ZNF385D: variants seen among roughly 807,000 people sequenced by gnomAD.
ZNF385D encodes zinc finger protein 659.
ZNF385D carries 15 observed loss-of-function variants against 35.8 expected under a neutral mutation model. The ratio of observed to expected loss-of-function variants is 0.42; its 90% CI spans 0.28 to 0.64. The LOEUF is 0.64. ZNF385D is among the 30% of genes least tolerant of loss of function. The pLI is 0.23. For missense variants in ZNF385D, 474 were observed against 494.6 expected, an observed-to-expected ratio of 0.96 and a Z score of 0.39; for synonymous variants, 212 against 186.8, an observed-to-expected ratio of 1.13 and a Z score of -1.10.
chr3:21,945,234 A>G (rs543843260), intron 3 of ZNF385D, among the ~76,000 whole-genome samples: 5 of 152,012 alleles, frequency 3.3e-5, no homozygotes, highest in Non-Finnish European at 7.4e-5. Context: ...AGACAGAGAG[A>G]GGAGAAAGAG....
intron 2 of ZNF385D, among the ~76,000 whole-genome samples, chr3:22,286,217 A>G (rs1702015238): frequency 6.6e-6 from 1 of 152,086 alleles, no homozygotes; most frequent in African/African-American, 2.4e-5. Context: ...GATAATTAAT[A>G]TTTGTCTAAT....
rs553937135 is a variant in ZNF385D, at chr3:21,662,891, G to A, written c.165+1995C>T. Among the ~76,000 whole-genome samples, 3 of 152,286 alleles carry A rather than the reference G, an allele frequency of 2.0e-5. No individual in the cohort carries two copies. In the East Asian group the frequency reaches 5.8e-4, roughly 29 times the overall value. ...GCATGCTGCTTATCACTTAAATAGT[G>A]CTTGTTATATACCAAGCCCCATTCT... On this transcript the variant is annotated intron_variant, in intron 2 of 7. Transcript: ENST00000281523.
intron 2 of ZNF385D, among the ~76,000 whole-genome samples, chr3:21,614,687 C>A (rs1042278536): frequency 6.6e-6 from 1 of 152,204 alleles, no homozygotes; most frequent in African/African-American, 2.4e-5. Context: ...CTCCCAGGTT[C>A]AAGCAATTCT....
At chr3:22,138,417 T>C (rs1276065449) in intron 3 of ZNF385D, among the ~76,000 whole-genome samples, 1 of 152,068 alleles carries the variant, frequency 6.6e-6, no homozygotes, top group Non-Finnish European at 1.5e-5. Context: ...CTTCAAACTA[T>C]ACTACAAGGC....
intron 2 of ZNF385D, among the ~76,000 whole-genome samples, chr3:22,198,574 T>C (rs1237677952): frequency 6.6e-6 from 1 of 152,134 alleles, no homozygotes; most frequent in Admixed American, 6.6e-5. Context: ...TTGAAAAATT[T>C]ATCTCAACCA....
At chr3:22,165,301 G>A (rs994554409) in intron 3 of ZNF385D, among the ~76,000 whole-genome samples, 3 of 152,128 alleles carry the variant, frequency 2.0e-5, no homozygotes, top group East Asian at 1.9e-4. Flanking sequence ...GCTTGAACAC[G>A]AAACTATTCT....
intron 4 of ZNF385D, among the ~76,000 whole-genome samples, chr3:21,453,375 C>T (rs1702587155): frequency 6.6e-6 from 1 of 151,910 alleles, no homozygotes; most frequent in East Asian, 1.9e-4. Flanking sequence ...AGTTGAACTG[C>T]ATCAAAATTA....
At chr3:21,462,599 A>G (rs913208742) in intron 4 of ZNF385D, among the ~76,000 whole-genome samples, 40 of 152,114 alleles carry the variant, frequency 2.6e-4, no homozygotes, top group African/African-American at 9.6e-4. Context: ...TAAAAGACAA[A>G]TTAAATCAAA....
At chr3:21,925,161 T>C (rs939708708) in intron 3 of ZNF385D, among the ~76,000 whole-genome samples, 2 of 152,080 alleles carry the variant, frequency 1.3e-5, no homozygotes, top group Non-Finnish European at 2.9e-5. Flanking sequence ...TTTTGAAATA[T>C]ATATGGAAGG....
chr3:21,685,798 G>C (rs370240880), intron 1 of ZNF385D, among the ~76,000 whole-genome samples: 3 of 152,192 alleles, frequency 2.0e-5, no homozygotes. Flanking sequence ...AGAAAATGAA[G>C]TGCTGGAGGT....
At chr3:22,318,398 A>G (rs540467378) in intron 2 of ZNF385D, among the ~76,000 whole-genome samples, 2 of 152,338 alleles carry the variant, frequency 1.3e-5, no homozygotes, top group Non-Finnish European at 2.9e-5. Flanking sequence ...TGATCGATCA[A>G]TAAAGAACCA....
At chr3:21,520,837 G>A (rs961917605) in intron 3 of ZNF385D, among the ~76,000 whole-genome samples, 6 of 152,128 alleles carry the variant, frequency 3.9e-5, no homozygotes, top group African/African-American at 7.2e-5. Flanking sequence ...CTCGGGAAAT[G>A]CTAGTCCTTT....
At chr3:21,478,603 A>G (rs1419351502) in intron 4 of ZNF385D, among the ~76,000 whole-genome samples, 2 of 152,134 alleles carry the variant, frequency 1.3e-5, no homozygotes, top group African/African-American at 4.8e-5. Context: ...TGGATACTTA[A>G]ATATGTATCA....
intron 2 of ZNF385D, among the ~76,000 whole-genome samples, chr3:22,349,651 G>A (rs1695826293): frequency 6.6e-6 from 1 of 152,104 alleles, no homozygotes; most frequent in African/African-American, 2.4e-5. Flanking sequence ...TTAAAAAAGG[G>A]AAGGCATATA....
At chr3:21,866,598 G>T (rs1200628720) in intron 3 of ZNF385D, among the ~76,000 whole-genome samples, 1 of 152,160 alleles carries the variant, frequency 6.6e-6, no homozygotes, top group Non-Finnish European at 1.5e-5. Flanking sequence ...CAGTAGGTAT[G>T]GGGTGGAACC....
intron 3 of ZNF385D, among the ~76,000 whole-genome samples, chr3:21,782,784 A>G (rs2071544096): frequency 6.6e-6 from 1 of 152,122 alleles, no homozygotes; most frequent in Admixed American, 6.6e-5. Context: ...CATTACTCTT[A>G]GGGTGAGAGT....
At chr3:22,344,177 G>GGTGTGTGT (rs571896117) in intron 2 of ZNF385D, among the ~76,000 whole-genome samples, 13,291 of 140,696 alleles carry the variant, frequency 0.094, 745 homozygotes, top group African/African-American at 0.14. Flanking sequence ...GGTGGGGTGG[G>GGTGTGTGT]GTGTGTGTGT....
In ZNF385D at chr3:21,599,543, G is replaced by A. The variant is rs557340041; in HGVS notation, c.166-34859C>T. Among the ~76,000 whole-genome samples the A allele has an allele frequency of 1.0e-3, 159 of 152,168 alleles. 1 individual carries two copies. Among genetic ancestry groups the A allele is most frequent in the African/African-American group, 3.6e-3 (151 of 41,528 alleles). On this transcript the variant is annotated intron_variant, in intron 2 of 7. Transcript: ENST00000281523. Reference sequence around the variant, plus strand: ...GCTAATCCTTTTGCTGACTATAATCGTGATCCATAGTATAAACATGGAGTT... The same window carrying A: ...GCTAATCCTTTTGCTGACTATAATCATGATCCATAGTATAAACATGGAGTT...
intron 3 of ZNF385D, among the ~76,000 whole-genome samples, chr3:21,892,425 G>A (rs540201949): frequency 1.3e-5 from 2 of 152,268 alleles, no homozygotes; most frequent in East Asian, 1.9e-4. Flanking sequence ...TTTTCAAAGT[G>A]TGCTCTTACC....
Sources: gnomAD v4.1 joint callset for allele counts (sites outside exome capture counted in the v4.1 genomes callset) on GRCh38, gnomAD v4.1.1 for gene constraint, MANE v1.5 for transcripts, NCBI Gene and HGNC (gene_info 2026-07-23, HGNC 2026-07-21) for gene names.